IL19: variants seen among roughly 807,000 people sequenced by gnomAD.
The protein encoded by IL19 is interleukin 19, also known as interleukin-19.
A neutral mutation model predicts 19.5 loss-of-function variants in IL19; 15 were observed. That is an observed-to-expected ratio of 0.77 (90% confidence interval 0.52 to 1.19). The LOEUF (loss-of-function observed/expected upper bound fraction) is 1.19, where lower values mean the gene tolerates loss of function less well. IL19 is among the 50% of genes most tolerant of loss of function. IL19 has a pLI of 0.00. For missense variants in IL19, 199 were observed against 213.1 expected, an observed-to-expected ratio of 0.93 and a Z score of 0.41; for synonymous variants, 78 against 78.3, an observed-to-expected ratio of 1.00 and a Z score of 0.02.
intron 2 of IL19, among the ~76,000 whole-genome samples, chr1:206,802,912 T>C (rs1430234011): frequency 1.3e-5 from 2 of 152,164 alleles, no homozygotes; most frequent in African/African-American, 2.4e-5. Context: ...AAGGGGAATG[T>C]CAAAGAAATA....
intron 2 of IL19, among the ~76,000 whole-genome samples, chr1:206,820,826 A>G (rs1466234805): frequency 6.6e-6 from 1 of 152,130 alleles, no homozygotes; most frequent in African/African-American, 2.4e-5. Flanking sequence ...CCCGCTTTCA[A>G]ACACTGCCCA....
At chr1:206,799,064 T>C in intron 2 of IL19, 58 bp downstream of exon 2, 1 of 1,140,732 alleles carries the variant, frequency 8.8e-7, no homozygotes, top group East Asian at 2.3e-5. Flanking sequence ...GGACCAGAGA[T>C]ATCCAGTTTA....
At chr1:206,773,068 C>T (rs56299498) in intron 1 of IL19, among the ~76,000 whole-genome samples, 215 of 152,250 alleles carry the variant, frequency 1.4e-3, no homozygotes, top group African/African-American at 2.3e-3. Context: ...ACAGTACAGG[C>T]GGGGTCACAG....
chr1:206,788,191 GACTA>G (rs1479624015), intron 1 of IL19, among the ~76,000 whole-genome samples: 2 of 152,116 alleles, frequency 1.3e-5, no homozygotes, highest in East Asian at 1.9e-4. Context: ...GCTGTTCTAT[GACTA>G]ACTGATGCCA....
rs191436284 is a variant in IL19 at position 206,836,318 on chromosome 1, C to T, written c.-2-343C>T. Among the ~76,000 whole-genome samples, 3 of 152,190 alleles carry T rather than the reference C, an allele frequency of 2.0e-5. 1 individual carries two copies. In the East Asian group the frequency reaches 5.8e-4, roughly 29 times the overall value. ...CTTTTCCTATTTAATTTATTAAAAA[C>T]AATGCTTTTCACCCCTGTTGACAAA... On this transcript the variant is annotated intron_variant, in intron 2 of 6. Transcript: ENST00000659997.
At chr1:206,833,765 G>C (rs1259651357) in intron 2 of IL19, 7 of 985,416 alleles carry the variant, frequency 7.1e-6, no homozygotes, top group African/African-American at 1.7e-5. Flanking sequence ...CCCTCCAGGG[G>C]ACAAGATGAA....
intron 1 of IL19, among the ~76,000 whole-genome samples, chr1:206,794,730 C>T (rs1219232335): frequency 6.6e-6 from 1 of 152,086 alleles, no homozygotes; most frequent in African/African-American, 2.4e-5. Context: ...GAAAGTTACC[C>T]AAAGTAATGG....
chr1:206,793,491 C>T (rs1397852235), intron 1 of IL19, among the ~76,000 whole-genome samples: 8 of 152,194 alleles, frequency 5.3e-5, no homozygotes, highest in Admixed American at 2.6e-4. Context: ...GCCTCCGATT[C>T]CCCCAGCCGG....
Position 206,835,952 on chromosome 1 carries a change from C to T in IL19, c.-2-709C>T, listed in dbSNP as rs116937832. On this transcript the variant is annotated intron_variant, in intron 2 of 6. Transcript: ENST00000659997. ...GGTGGCAAACCTCTCAGGGTCTGGC[C>T]CTGGCTATGAAGCAGCTAGCTGCAA... Among the ~76,000 whole-genome samples the T allele has an allele frequency of 2.6e-5, 4 of 152,340 alleles. No homozygotes were observed. In the East Asian group the frequency reaches 7.7e-4, roughly 29 times the overall value.
intron 1 of IL19, chr1:206,771,303 C>T (rs913710321): frequency 6.7e-7 from 1 of 1,499,180 alleles, no homozygotes; most frequent in Non-Finnish European, 9.3e-7. Flanking sequence ...AGCAGAGTCT[C>T]CCTTCCCTTA....
At chr1:206,830,211 G>GT (rs1464351970) in intron 2 of IL19, among the ~76,000 whole-genome samples, 1 of 152,128 alleles carries the variant, frequency 6.6e-6, no homozygotes, top group Non-Finnish European at 1.5e-5. Context: ...GCCATGGAGG[G>GT]CTGGTTCACT....
At chr1:206,816,053 C>G (rs1676147119) in intron 2 of IL19, among the ~76,000 whole-genome samples, 2 of 151,756 alleles carry the variant, frequency 1.3e-5, no homozygotes, top group Non-Finnish European at 2.9e-5. Flanking sequence ...CAAAACAAAA[C>G]AAAAAAACCT....
At chr1:206,800,394 C>T (rs115001401) in intron 2 of IL19, among the ~76,000 whole-genome samples, 1 of 152,174 alleles carries the variant, frequency 6.6e-6, no homozygotes, top group African/African-American at 2.4e-5. Context: ...CAGATGAATG[C>T]TCCGATATGT....
intron 2 of IL19, among the ~76,000 whole-genome samples, chr1:206,818,129 A>C (rs1320165290): frequency 6.6e-6 from 1 of 152,242 alleles, no homozygotes; most frequent in African/African-American, 2.4e-5. Context: ...CAGAGTTAGC[A>C]AGGATATAGT....
intron 2 of IL19, among the ~76,000 whole-genome samples, chr1:206,799,858 C>T (rs1030189263): frequency 6.6e-6 from 1 of 152,190 alleles, no homozygotes; most frequent in African/African-American, 2.4e-5. Flanking sequence ...AGGAAGTGAC[C>T]TCTCTCCTGA....
At chr1:206,808,034 A>C (rs1177716305) in intron 2 of IL19, among the ~76,000 whole-genome samples, 1 of 152,250 alleles carries the variant, frequency 6.6e-6, no homozygotes, top group African/African-American at 2.4e-5. Context: ...ATTTGGTGCC[A>C]TAAAAATTGA....
In IL19 at chr1:206,781,056, T is replaced by C. The variant is rs1346230167; in HGVS notation, c.-149+9978T>C. 2.0e-5 allele frequency among the ~76,000 whole-genome samples: 3 copies of C among 152,308 alleles called. No homozygotes were observed. In the East Asian group the frequency reaches 5.8e-4, roughly 29 times the overall value. On this transcript the variant is annotated intron_variant, in intron 1 of 6. Coordinates refer to ENST00000659997, the MANE Select transcript of IL19 (RefSeq NM_153758.5). ...CAGAATGGTGTTTCTATTTTGTCTC[T>C]GATCCATGAGTGTCACAGTGTTATA...
intron 2 of IL19, among the ~76,000 whole-genome samples, chr1:206,820,746 G>A (rs1026007647): frequency 6.6e-6 from 1 of 152,216 alleles, no homozygotes; most frequent in Non-Finnish European, 1.5e-5. Context: ...CTGGCACAAT[G>A]AGGTTCCTCT....
intron 2 of IL19, among the ~76,000 whole-genome samples, chr1:206,814,014 T>TAATTTCTTGACTTA (rs140168452): frequency 0.073 from 11,121 of 152,250 alleles, 730 homozygotes; most frequent in African/African-American, 0.17. Context: ...TTGTATCAGT[T>TAATTTCTTGACTTA]AATTTCTTGA....
Sources: gnomAD v4.1 joint callset for allele counts (sites outside exome capture counted in the v4.1 genomes callset) on GRCh38, gnomAD v4.1.1 for gene constraint, MANE v1.5 for transcripts, NCBI Gene and HGNC (gene_info 2026-07-23, HGNC 2026-07-21) for gene names.